FASTKD3: variants seen among roughly 807,000 people sequenced by gnomAD.
The protein encoded by FASTKD3 is FAST kinase domains 3, also known as FAST kinase domain-containing protein 3, mitochondrial.
Under a neutral mutation model 49.7 loss-of-function variants are expected in FASTKD3, and 47 were observed. The observed-to-expected ratio is 0.95, with a 90% CI of 0.75 to 1.21. The LOEUF is 1.21. FASTKD3 is among the 50% of genes most tolerant of loss of function. The pLI, the probability that FASTKD3 is intolerant of heterozygous loss-of-function variation, is 0.00. For synonymous variants in FASTKD3, 284 were observed against 288.6 expected, an observed-to-expected ratio of 0.98 and a Z score of 0.16; for missense variants, 748 against 765.7, an observed-to-expected ratio of 0.98 and a Z score of 0.27.
chr5:7,867,610 G>A lies in FASTKD3; in HGVS notation c.474C>T (p.Ile158=). The A allele has an allele frequency of 6.2e-7, 1 of 1,614,232 alleles. No individual in the cohort carries two copies. Among genetic ancestry groups the A allele is most frequent in the Non-Finnish European group, 8.5e-7 (1 of 1,180,040 alleles). Residue 158 remains isoleucine, a synonymous_variant, in exon 2 of 7, where the codon ATC becomes ATT. Transcript: ENST00000264669. Reference sequence around the variant, plus strand: ...CAAACTGAAAGCATAAAGCTTGAAAGATGCTATTCTCCAGTATTTCTTTTG... The same window carrying A: ...CAAACTGAAAGCATAAAGCTTGAAAAATGCTATTCTCCAGTATTTCTTTTG... ...GLPKEILENS[I]FQALCFQFEK...
Position 7,864,517 on chromosome 5 carries a change from A to G in FASTKD3, c.1524+1381T>C, listed in dbSNP as rs116816734. 3.1e-3 allele frequency among the ~76,000 whole-genome samples: 467 copies of G among 152,338 alleles called. 3 individuals carry two copies. Among genetic ancestry groups the G allele is most frequent in the African/African-American group, 0.011 (451 of 41,590 alleles). On this transcript the variant is annotated intron_variant, in intron 3 of 6. Coordinates refer to ENST00000264669, the MANE Select transcript of FASTKD3 (RefSeq NM_024091.4). ...AATCGGGAAAATATGTACAACATTC[A>G]TAATAGTTAATATCTGTTTTACAAT...
At position 7,859,365 on chromosome 5, in the gene FASTKD3, T is replaced by C. The variant is rs1216237688; in HGVS notation, c.*70A>G. ...TCTGCAAAGTGGCTAATTCACATTA[T>C]ATTTTTCTTTTAATACTGAGTTCCA... On this transcript the variant is annotated 3_prime_UTR_variant, in exon 7 of 7. Transcript: ENST00000264669. The C allele has an allele frequency of 2.2e-6, 2 of 917,266 alleles. No individual in the cohort carries two copies. The highest frequency in any genetic ancestry group is 3.3e-6 in the Non-Finnish European group (2 of 600,742). 56.8% of individuals were successfully genotyped at this position (917,266 alleles called of 1,614,324 possible).
At chr5:7,861,795 C>A (rs1263011700) in intron 4 of FASTKD3, 143 bp from the exon 5 acceptor site, 2 of 1,382,656 alleles carry the variant, frequency 1.4e-6, no homozygotes, top group African/African-American at 1.5e-5. Flanking sequence ...TGACCACAAC[C>A]AAACAATGGT....
chr5:7,867,713 G>T lies in FASTKD3; in HGVS notation c.371C>A (p.Thr124Asn), dbSNP rs1561113038. The part of the protein sequence containing the change: ...EVLSFISTME[T>N]LPDTMAAGAL... The stretch of plus-strand genomic sequence containing the variant: ...TCCTGCTGCCATAGTGTCAGGCAGG[G>T]TTTCCATCGTGCTTATAAAACTTAG... The change falls in exon 2 of 7, where the codon ACC becomes AAC. Residue 124 changes from threonine (T) to asparagine (N), a missense_variant. By Grantham distance (65) the Thr-to-Asn change is moderately conservative. Transcript: ENST00000264669. 1 of 1,614,162 alleles carries T rather than the reference G, an allele frequency of 6.2e-7. No homozygotes were observed. Among genetic ancestry groups the T allele is most frequent in the South Asian group, 1.1e-5 (1 of 91,078 alleles).
Position 7,867,736 on chromosome 5 carries a change from T to G in FASTKD3, c.348A>C (p.Leu116=), listed in dbSNP as rs1369291383. Residue 116 remains leucine (L), a synonymous_variant, in exon 2 of 7, where the codon CTA becomes CTC. Transcript: ENST00000264669. ...GGGTTTCCATCGTGCTTATAAAACTTAGCACTTCTTCTGATGAAGTCAAGT... is the reference window on the plus strand; with the variant it reads ...GGGTTTCCATCGTGCTTATAAAACTGAGCACTTCTTCTGATGAAGTCAAGT... ...LSNLTSSEEV[L]SFISTMETLP... The G allele has an allele frequency of 1.2e-6, 2 of 1,614,106 alleles. No homozygotes were observed. The highest frequency in any genetic ancestry group is 2.7e-5 in the African/African-American group (2 of 74,932).
In FASTKD3 at chr5:7,867,413, C is replaced by T; in HGVS notation, c.671G>A (p.Ser224Asn). 1 of 1,614,180 alleles carries T rather than the reference C, an allele frequency of 6.2e-7. No individual in the cohort carries two copies. Among genetic ancestry groups the T allele is most frequent in the Non-Finnish European group, 8.5e-7 (1 of 1,180,048 alleles). Residue 224 changes from serine (S) to asparagine (N), a missense_variant, in exon 2 of 7, where the codon AGT (serine) becomes AAT (asparagine). Physicochemically the swap from Ser to Asn is conservative, Grantham distance 46 (BLOSUM62 1). Coordinates refer to ENST00000264669, the MANE Select transcript of FASTKD3 (RefSeq NM_024091.4). ...ACCTGAACTGTGCAGTGTAATCAGA[C>T]TTTCCCCAAGAATACAAAGATTGCG... ...EVRNLCILGESLITLHSSGCV... is the reference protein window; with the variant it reads ...EVRNLCILGENLITLHSSGCV...
chr5:7,868,999 C>T lies in FASTKD3; in HGVS notation c.-134G>A. 1 of 1,025,962 alleles carries T rather than the reference C, an allele frequency of 9.7e-7. No homozygotes were observed. The highest frequency in any genetic ancestry group is 1.3e-5 in the South Asian group (1 of 78,622). The allele number at this position is 1,025,962 out of a possible 1,614,324, so 63.6% of individuals were successfully genotyped here. A position where few individuals can be genotyped will look rare whatever the true frequency, so the allele number is the denominator to read the frequency against. ...CCTACCGCGCTCTGCCGGGCAATCA[C>T]TCCGGGTGGTCGCGGAAGCGCCTGG... On this transcript the variant is annotated 5_prime_UTR_variant, in exon 1 of 7. It adds an upstream start codon to the 5' untranslated region. Transcript: ENST00000264669.
At chr5:7,861,778 A>G in intron 4 of FASTKD3, 126 bp from the exon 5 acceptor site, 1 of 1,448,990 alleles carries the variant, frequency 6.9e-7, no homozygotes, top group Non-Finnish European at 9.1e-7. Context: ...TGAAGGCTGC[A>G]AAGTAATGAC....
intron 3 of FASTKD3, 35 bp downstream of exon 3, chr5:7,865,863 G>A (rs1485164039): frequency 6.7e-7 from 1 of 1,495,266 alleles, no homozygotes; most frequent in East Asian, 2.3e-5. Flanking sequence ...CTGCACCCAT[G>A]GGGAAATAAA....
chr5:7,867,337 T>A lies in FASTKD3; in HGVS notation c.747A>T (p.Glu249Asp). 3 of 1,614,114 alleles carry A rather than the reference T, an allele frequency of 1.9e-6. No homozygotes were observed. Among genetic ancestry groups the A allele is most frequent in the Non-Finnish European group, 2.5e-6 (3 of 1,180,042 alleles). Residue 249 changes from glutamate (E) to aspartate (D), a missense_variant, in exon 2 of 7, where the codon GAA becomes GAT. By Grantham distance (45) the Glu-to-Asp change is conservative. Coordinates refer to ENST00000264669, the MANE Select transcript of FASTKD3 (RefSeq NM_024091.4). ...CCACAATATCCTCCGGGGTAAATGT[T>A]TCCAATTTTTCACCTTGAAGTTGAT... ...IINQLQGEKL[E>D]TFTPEDIVAL...
At chr5:7,860,638 T>A (rs1579529452) in intron 6 of FASTKD3, among the ~76,000 whole-genome samples, 1 of 152,320 alleles carries the variant, frequency 6.6e-6, no homozygotes, top group East Asian at 1.9e-4. Flanking sequence ...GGTGGTCCAC[T>A]GGGCTGGCAA....
Position 7,867,686 on chromosome 5 carries a change from G to T in FASTKD3, c.398C>A (p.Ala133Asp). 6.2e-7 allele frequency: 1 copy of T among 1,614,108 alleles called. No individual in the cohort carries two copies. Among genetic ancestry groups the T allele is most frequent in the Non-Finnish European group, 8.5e-7 (1 of 1,180,014 alleles). The change falls in exon 2 of 7, where the codon GCT becomes GAT. Residue 133 changes from alanine to aspartate, a missense_variant. By Grantham distance (126) the Ala-to-Asp change is moderately radical (BLOSUM62 -2). This residue lies in a region of FASTKD3 where 564 missense variants were observed against 562.8 expected (regional missense o/e 1.00). Coordinates refer to ENST00000264669, the MANE Select transcript of FASTKD3 (RefSeq NM_024091.4). ...TTCCACTTCACAAATTCGTTGTAAAGCTCCTGCTGCCATAGTGTCAGGCAG... is the reference window on the plus strand; with the variant it reads ...TTCCACTTCACAAATTCGTTGTAAATCTCCTGCTGCCATAGTGTCAGGCAG... ...ETLPDTMAAG[A>D]LQRICEVEKK...
rs768225227 is a variant in FASTKD3, at chr5:7,867,251, T to G, written c.833A>C (p.Asn278Thr). Residue 278 changes from asparagine (N) to threonine (T), a missense_variant, in exon 2 of 7, where the codon AAT (asparagine) becomes ACT (threonine). Transcript: ENST00000264669. ...TGATAGGGAAAAGTTGTTTATCTTATTTAAAAATGTTTGGTGTTCATCCAC... is the reference window on the plus strand; with the variant it reads ...TGATAGGGAAAAGTTGTTTATCTTAGTTAAAAATGTTTGGTGTTCATCCAC... The part of the protein sequence containing the change: ...EKVDEHQTFL[N>T]KINNFSLSIV... 2.5e-6 allele frequency: 4 copies of G among 1,613,998 alleles called. No individual in the cohort carries two copies. The East Asian group carries it at 8.9e-5, about 36-fold the overall frequency.
Position 7,867,158 on chromosome 5 carries a change from C to T in FASTKD3, c.926G>A (p.Ser309Asn). The change falls in exon 2 of 7, where the codon AGT (serine) becomes AAT (asparagine). Residue 309 changes from serine to asparagine, a missense_variant. Physicochemically the swap from Ser to Asn is conservative, Grantham distance 46. Around this residue, in one of 3 missense-constraint regions of FASTKD3, gnomAD observed 564 missense variants for 562.8 expected, o/e 1.00. Coordinates refer to ENST00000264669, the MANE Select transcript of FASTKD3 (RefSeq NM_024091.4). The stretch of plus-strand genomic sequence containing the variant: ...TTTTATAATCAGAGGAAATGCTTGA[C>T]TTTGATCAAGAACCACCAGGGCAGT... ...MLTALVVLDQSQAFPLIIKLG... is the reference protein window; with the variant it reads ...MLTALVVLDQNQAFPLIIKLG... 6.2e-7 allele frequency: 1 copy of T among 1,614,130 alleles called. No individual in the cohort carries two copies. Among genetic ancestry groups the T allele is most frequent in the Non-Finnish European group, 8.5e-7 (1 of 1,180,042 alleles).
Position 7,867,250 on chromosome 5 carries a change from A to G in FASTKD3, c.834T>C (p.Asn278=), listed in dbSNP as rs1482611983. ...TTGATAGGGAAAAGTTGTTTATCTTATTTAAAAATGTTTGGTGTTCATCCA... is the reference window on the plus strand; with the variant it reads ...TTGATAGGGAAAAGTTGTTTATCTTGTTTAAAAATGTTTGGTGTTCATCCA... ...EKVDEHQTFL[N]KINNFSLSIV... The change falls in exon 2 of 7, where the codon AAT becomes AAC. Residue 278 remains asparagine, a synonymous_variant. Coordinates refer to ENST00000264669, the MANE Select transcript of FASTKD3 (RefSeq NM_024091.4). 3 of 1,613,980 alleles carry G rather than the reference A, an allele frequency of 1.9e-6. No homozygotes were observed. In the Admixed American group the frequency reaches 5.0e-5, roughly 27 times the overall value.
At chr5:7,868,921 G>A (rs954913676) in intron 1 of FASTKD3, 58 bp downstream of exon 1, 2 of 635,194 alleles carry the variant, frequency 3.1e-6, no homozygotes, top group African/African-American at 1.8e-5. Flanking sequence ...GAGAAAGCCG[G>A]CCAGGTCTTT....
In FASTKD3 at chr5:7,867,035, A is replaced by G; in HGVS notation, c.1049T>C (p.Phe350Ser). The change falls in exon 2 of 7, where the codon TTT (phenylalanine) becomes TCT (serine). Residue 350 changes from phenylalanine to serine, a missense_variant. Physicochemically the swap from Phe to Ser is radical, Grantham distance 155. This residue lies in a region of FASTKD3 where 564 missense variants were observed against 562.8 expected (regional missense o/e 1.00). Transcript: ENST00000264669. Reference sequence around the variant, plus strand: ...ACGATGCTCTAGGGCTTTTGTAAAAAATGTGTCATGGTGCCCAAAATATAT... The same window carrying G: ...ACGATGCTCTAGGGCTTTTGTAAAAGATGTGTCATGGTGCCCAAAATATAT... ...AFIYFGHHDTFFTKALEHRVA... is the reference protein window; with the variant it reads ...AFIYFGHHDTSFTKALEHRVA... 1 of 1,614,178 alleles carries G rather than the reference A, an allele frequency of 6.2e-7. No individual in the cohort carries two copies. The highest frequency in any genetic ancestry group is 8.5e-7 in the Non-Finnish European group (1 of 1,180,030).
At chr5:7,859,639 C>T (rs530446240) in intron 6 of FASTKD3, 100 bp from the exon 7 acceptor site, 21 of 696,080 alleles carry the variant, frequency 3.0e-5, no homozygotes, top group Admixed American at 2.2e-4. Flanking sequence ...TTCCCCACAG[C>T]GGAATGTAAG....
chr5:7,859,860 A>T (rs1044857962), intron 6 of FASTKD3, among the ~76,000 whole-genome samples: 1 of 152,232 alleles, frequency 6.6e-6, no homozygotes, highest in African/African-American at 2.4e-5. Flanking sequence ...AACAAGCTGT[A>T]GGTTGGTGAT....
Sources: gnomAD v4.1 joint callset for allele counts (sites outside exome capture counted in the v4.1 genomes callset) on GRCh38, gnomAD v4.1.1 for gene constraint, gnomAD v4.1.1 regional missense constraint, MANE v1.5 for transcripts, NCBI Gene and HGNC (gene_info 2026-07-23, HGNC 2026-07-21) for gene names.